Variants in ADAMTS20 observed in about 807,000 individuals in gnomAD.
ADAMTS20 encodes ADAM metallopeptidase with thrombospondin type 1 motif 20, also known as A disintegrin and metalloproteinase with thrombospondin motifs 20.
ADAMTS20 carries 225 observed loss-of-function variants against 260.1 expected under a neutral mutation model. The observed-to-expected ratio is 0.87, with a 90% CI of 0.78 to 0.97. ADAMTS20 has a LOEUF of 0.97. Ranked by LOEUF, ADAMTS20 falls within the 50% of genes least tolerant of loss-of-function variation. ADAMTS20 has a pLI of 0.00. For synonymous variants in ADAMTS20, 802 were observed against 769.5 expected, an observed-to-expected ratio of 1.04 and a Z score of -0.70; for missense variants, 2,400 against 2,337.7, an observed-to-expected ratio of 1.03 and a Z score of -0.55.
chr12:43,449,126 A>G (rs1032081233), intron 14 of ADAMTS20, among the ~76,000 whole-genome samples: 1 of 152,148 alleles, frequency 6.6e-6, no homozygotes, highest in Non-Finnish European at 1.5e-5. Context: ...CAGCAATCCC[A>G]TTACTGGATA....
chr12:43,519,871 T>G (rs1943048001), intron 3 of ADAMTS20, among the ~76,000 whole-genome samples: 1 of 152,150 alleles, frequency 6.6e-6, no homozygotes, highest in African/African-American at 2.4e-5. Flanking sequence ...ATCACCTTGG[T>G]CTTTCTACCT....
intron 3 of ADAMTS20, among the ~76,000 whole-genome samples, chr12:43,517,348 G>T (rs895097314): frequency 6.6e-6 from 1 of 152,004 alleles, no homozygotes; most frequent in African/African-American, 2.4e-5. Flanking sequence ...TAGCAAGGTT[G>T]CTGAATATAG....
intron 23 of ADAMTS20, among the ~76,000 whole-genome samples, 192 bp downstream of exon 23, chr12:43,430,160 T>A (rs1450468024): frequency 4.1e-5 from 6 of 148,138 alleles, no homozygotes; most frequent in African/African-American, 1.5e-4. Flanking sequence ...AAAAAAAAAA[T>A]TCATTGATAA....
intron 36 of ADAMTS20, among the ~76,000 whole-genome samples, chr12:43,371,283 T>TCAAACTATC (rs1157403197): frequency 1.3e-5 from 2 of 152,206 alleles, no homozygotes; most frequent in African/African-American, 4.8e-5. Flanking sequence ...TTGAGATTGT[T>TCAAACTATC]CAAACTATCT....
At chr12:43,440,661 A>G (rs192918906) in intron 16 of ADAMTS20, among the ~76,000 whole-genome samples, 2 of 152,332 alleles carry the variant, frequency 1.3e-5, no homozygotes, top group East Asian at 3.9e-4. Context: ...TAGCTTCAGA[A>G]CAAGCAGTGG....
chr12:43,545,861 C>G (rs1182882856), intron 2 of ADAMTS20, among the ~76,000 whole-genome samples: 2 of 152,128 alleles, frequency 1.3e-5, no homozygotes, highest in Non-Finnish European at 2.9e-5. Flanking sequence ...AACACAGACA[C>G]TTCCCCTAAC....
rs755923980 is a variant in ADAMTS20, at chr12:43,377,324, G to A, written c.4995+41C>T. The A allele has an allele frequency of 1.8e-5, 27 of 1,529,414 alleles. No homozygotes were observed. The African/African-American group carries it at 2.7e-4, about 16-fold the overall frequency. The allele number at this position is 1,529,414 out of a possible 1,614,324, so 94.7% of individuals were successfully genotyped here. On this transcript the variant is annotated intron_variant, in intron 32 of 38. Transcript: ENST00000389420. ...TTACCAGATTTCCCACACCTAGAAA[G>A]TCTTATTCAGAAGTTTTAAAATTCA... is the stretch of plus-strand genomic sequence containing the variant.
At position 43,399,060 on chromosome 12, in the gene ADAMTS20, A is replaced by G. The variant is rs190039037; in HGVS notation, c.4452+6T>C. 9.8e-4 allele frequency: 1,462 copies of G among 1,487,748 alleles called. 12 individuals are homozygous for G. The African/African-American group carries it at 0.018, about 18-fold the overall frequency. The allele number at this position is 1,487,748 out of a possible 1,614,324, so 92.2% of individuals were successfully genotyped here. Reference sequence around the variant, plus strand: ...CATATATAATTATAAAATATACATCATATACCTCATTCCAGCTATTGGCTT... The same window carrying G: ...CATATATAATTATAAAATATACATCGTATACCTCATTCCAGCTATTGGCTT... On this transcript the variant is annotated splice_donor_region_variant and intron_variant, in intron 29 of 38. Coordinates refer to ENST00000389420, the MANE Select transcript of ADAMTS20 (RefSeq NM_025003.5).
At chr12:43,531,786 CA>C (rs1005608393) in intron 3 of ADAMTS20, among the ~76,000 whole-genome samples, 2 of 150,660 alleles carry the variant, frequency 1.3e-5, no homozygotes, top group African/African-American at 2.4e-5. Flanking sequence ...GTTCTCACCA[CA>C]AAAAAAAGAA....
intron 12 of ADAMTS20, among the ~76,000 whole-genome samples, chr12:43,453,162 T>G (rs1458357669): frequency 6.6e-6 from 1 of 152,180 alleles, no homozygotes; most frequent in Non-Finnish European, 1.5e-5. Context: ...TTTTGACTTA[T>G]GCTGGAAAAT....
intron 2 of ADAMTS20, among the ~76,000 whole-genome samples, chr12:43,538,002 A>T (rs1943320677): frequency 6.6e-6 from 1 of 152,188 alleles, no homozygotes; most frequent in Non-Finnish European, 1.5e-5. Flanking sequence ...TCTCTTCAAT[A>T]TCCTGATTTC....
chr12:43,432,391 G>A lies in ADAMTS20; in HGVS notation c.3009C>T (p.Asp1003=), dbSNP rs2137309432. 3.1e-6 allele frequency: 5 copies of A among 1,613,472 alleles called. No homozygotes were observed. The highest frequency in any genetic ancestry group is 4.2e-6 in the Non-Finnish European group (5 of 1,179,846). The change falls in exon 21 of 39, where the codon GAC becomes GAT. Residue 1003 remains aspartate, a synonymous_variant. Coordinates refer to ENST00000389420, the MANE Select transcript of ADAMTS20 (RefSeq NM_025003.5). ...CTCGGGACAGTTCTTGGCATTCATT[G>A]TCAGCAAGACGATGGCCAAAGTTAT... ...CMNNFGHRLA[D]NECQELSRVT... is the part of the protein sequence containing the mutation.
chr12:43,411,164 T>A (rs534106721), intron 28 of ADAMTS20, among the ~76,000 whole-genome samples: 2 of 152,318 alleles, frequency 1.3e-5, no homozygotes, highest in African/African-American at 4.8e-5. Flanking sequence ...AAATTCTACC[T>A]GAATTATGGG....
rs747496684 is a variant in ADAMTS20, at chr12:43,420,800, C to CTTTTTTTTTTTTTTTTTTTTTTTTT, written c.4284+4689_4284+4713dup. Among the ~76,000 whole-genome samples the CTTTTTTTTTTTTTTTTTTTTTTTTT allele has an allele frequency of 1.8e-3, 100 of 55,508 alleles. 12 individuals are homozygous for CTTTTTTTTTTTTTTTTTTTTTTTTT. Among genetic ancestry groups the CTTTTTTTTTTTTTTTTTTTTTTTTT allele is most frequent in the East Asian group, 0.014 (10 of 734 alleles). 36.4% of individuals were successfully genotyped at this position (55,508 alleles called of 152,430 possible). A position where few individuals can be genotyped will look rare whatever the true frequency, so the allele number is the denominator to read the frequency against. ...TCTTCTTCTTCTCCTCCTCCTCCTT[C>CTTTTTTTTTTTTTTTTTTTTTTTTT]TTTTTTTTTTTTTTTTTTTTTTTTT... On this transcript the variant is annotated intron_variant, in intron 28 of 38. Coordinates refer to ENST00000389420, the MANE Select transcript of ADAMTS20 (RefSeq NM_025003.5).
chr12:43,430,330 T>C, intron 23 of ADAMTS20, 22 bp downstream of exon 23: 1 of 1,600,902 alleles, frequency 6.2e-7, no homozygotes, highest in East Asian at 2.2e-5. Flanking sequence ...TCTTTTTGTT[T>C]GTAAACCATG....
At chr12:43,469,628 A>T (rs1942217031) in intron 7 of ADAMTS20, among the ~76,000 whole-genome samples, 3 of 152,144 alleles carry the variant, frequency 2.0e-5, no homozygotes, top group African/African-American at 7.2e-5. Context: ...CACAAAAAAA[A>T]GATTTTTTCA....
chr12:43,500,384 C>A (rs1297845627), intron 4 of ADAMTS20, among the ~76,000 whole-genome samples: 1 of 152,136 alleles, frequency 6.6e-6, no homozygotes, highest in Admixed American at 6.5e-5. Context: ...CAAAGTATAT[C>A]CCATTGTTCC....
Position 43,376,054 on chromosome 12 carries a change from TA to T in ADAMTS20, c.5312+2del, listed in dbSNP as rs1296572484. The T allele has an allele frequency of 1.3e-6, 2 of 1,595,760 alleles. No homozygotes were observed. The highest frequency in any genetic ancestry group is 1.7e-6 in the Non-Finnish European group (2 of 1,172,986). On this transcript the variant is annotated splice_donor_variant, in intron 35 of 38. Coordinates refer to ENST00000389420, the MANE Select transcript of ADAMTS20 (RefSeq NM_025003.5). LOFTEE classifies it high-confidence loss of function. ...CTCAGATAGACCAAAACACATCTCG[TA>T]CCTAAAGCCATACACTTCAGAAAAG...
rs1285534388 is a variant in ADAMTS20 at position 43,551,801 on chromosome 12, G to C, written c.91+30C>G. On this transcript the variant is annotated intron_variant, in intron 1 of 38. Transcript: ENST00000389420. The surrounding 1 kb of genome is among the most constrained non-coding windows in gnomAD (Gnocchi z 4.6). ...CACTCGGGCCCCGCGCCCCCACTTAGCCGCTGAAGGCGTCTCGCGGTGACT... is the reference window on the plus strand; with the variant it reads ...CACTCGGGCCCCGCGCCCCCACTTACCCGCTGAAGGCGTCTCGCGGTGACT... 2 of 1,610,586 alleles carry C rather than the reference G, an allele frequency of 1.2e-6. No individual in the cohort carries two copies. The highest frequency in any genetic ancestry group is 2.2e-5 in the South Asian group (2 of 91,046).
Sources: allele counts gnomAD v4.1 joint callset (sites outside exome capture counted in the v4.1 genomes callset), GRCh38; gene constraint gnomAD v4.1.1; non-coding constraint Gnocchi (gnomAD v3.1); transcripts MANE v1.5; gene names NCBI Gene and HGNC (gene_info 2026-07-23, HGNC 2026-07-21).